CSDE1: variants seen among roughly 807,000 people sequenced by gnomAD.
CSDE1 encodes the protein cold shock domain containing E1, also known as cold shock domain-containing protein E1.
CSDE1 carries 17 observed loss-of-function variants against 89.3 expected under a neutral mutation model. The observed-to-expected ratio is 0.19, with a 90% confidence interval of 0.13 to 0.29. The LOEUF is 0.29. Ranked by LOEUF, CSDE1 falls within the 10% of genes least tolerant of loss-of-function variation. The probability of loss-of-function intolerance (pLI) is 1.00; values close to 1 mark genes in which losing one functional copy is unlikely to be tolerated. For synonymous variants in CSDE1, 322 were observed against 332.8 expected (o/e 0.97, Z 0.35); for missense variants, 672 against 984.2 (o/e 0.68, Z 4.24).
At chr1:114,741,398 G>C (rs1660719343) in intron 2 of CSDE1, 1 of 828,080 alleles carries the variant, frequency 1.2e-6, no homozygotes, top group Non-Finnish European at 1.8e-6. Context: ...CAAGAGTGAA[G>C]GTGAAAAAAA....
chr1:114,756,308 T>C (rs1661593529), intron 1 of CSDE1, among the ~76,000 whole-genome samples: 1 of 152,250 alleles, frequency 6.6e-6, no homozygotes, highest in Non-Finnish European at 1.5e-5. Context: ...CTCTTTTATT[T>C]TAGTCCCAGG....
At chr1:114,752,952 C>T (rs922530685) in intron 1 of CSDE1, among the ~76,000 whole-genome samples, 2 of 152,144 alleles carry the variant, frequency 1.3e-5, no homozygotes, top group African/African-American at 2.4e-5. Flanking sequence ...CATATACAAC[C>T]AAAGGAAAAA....
At position 114,717,382 on chromosome 1, in the gene CSDE1, G is replaced by C. The variant is rs1659238426; in HGVS notation, c.*787C>G. The C allele has an allele frequency of 6.6e-6, 1 of 152,256 alleles. No individual in the cohort carries two copies. Among genetic ancestry groups the C allele is most frequent in the South Asian group, 2.1e-4 (1 of 4,798 alleles). 9.4% of individuals were successfully genotyped at this position (152,256 alleles called of 1,614,324 possible). ...AGAAGCTGCAGTGATCTAAGCAGCA[G>C]CAAGTTTGTGCATTCATTTTTTTTG... On this transcript the variant is annotated 3_prime_UTR_variant, in exon 20 of 20. Coordinates refer to ENST00000358528, the MANE Select transcript of CSDE1 (RefSeq NM_001007553.3).
At chr1:114,732,264 A>T (rs1477150454) in intron 10 of CSDE1, among the ~76,000 whole-genome samples, 11 of 152,184 alleles carry the variant, frequency 7.2e-5, no homozygotes, top group Non-Finnish European at 1.5e-4. Context: ...ACCACTAATT[A>T]AATGTCTTAG....
At chr1:114,718,464 G>T in intron 19 of CSDE1, 149 bp downstream of exon 19, 2 of 1,142,192 alleles carry the variant, frequency 1.8e-6, no homozygotes, top group South Asian at 1.6e-5. Context: ...TTAGGGGGCT[G>T]AACCAATGTG....
intron 3 of CSDE1, among the ~76,000 whole-genome samples, chr1:114,739,095 C>T (rs1369691873): frequency 6.6e-6 from 1 of 151,578 alleles, no homozygotes; most frequent in Non-Finnish European, 1.5e-5. Flanking sequence ...GCAGTGGTGG[C>T]ATCTTGGCTT....
rs1225853116 is a variant in CSDE1, at chr1:114,753,228, G to T, written c.-387-3021C>A. Among the ~76,000 whole-genome samples the T allele has an allele frequency of 3.3e-5, 5 of 152,098 alleles. No homozygotes were observed. The South Asian group carries it at 1.0e-3, about 32-fold the overall frequency. On this transcript the variant is annotated intron_variant, in intron 1 of 19. Transcript: ENST00000358528. Reference sequence around the variant, plus strand: ...CTGGATTAACCCATTCCAGGTTGTCGTATCACATTAAGAACTGTCAAGTCC... The same window carrying T: ...CTGGATTAACCCATTCCAGGTTGTCTTATCACATTAAGAACTGTCAAGTCC...
At chr1:114,728,058 T>C (rs1362057975) in intron 12 of CSDE1, among the ~76,000 whole-genome samples, 1 of 152,210 alleles carries the variant, frequency 6.6e-6, no homozygotes, top group South Asian at 2.1e-4. Flanking sequence ...ATTCCTTCCA[T>C]AACTGCTATA....
Position 114,739,880 on chromosome 1 carries a change from T to A in CSDE1, c.11A>T (p.Asp4Val). The A allele has an allele frequency of 6.2e-7, 1 of 1,613,312 alleles. No individual in the cohort carries two copies. The highest frequency in any genetic ancestry group is 8.5e-7 in the Non-Finnish European group (1 of 1,179,298). ...TCCATTGTTGTGGAGAAGGTTTGGA[T>A]CAAAGCTCATCTGTTTTAAAAAGAA... Reference protein sequence around the residue: MSFDPNLLHNNGHN... With the variant: MSFVPNLLHNNGHN... The change falls in exon 3 of 20, where the codon GAT (aspartate) becomes GTT (valine). Residue 4 changes from aspartate to valine, a missense_variant. Coordinates refer to ENST00000358528, the MANE Select transcript of CSDE1 (RefSeq NM_001007553.3).
In CSDE1 at chr1:114,720,695, A is replaced by G. The variant is rs1322492859; in HGVS notation, c.1896T>C (p.Tyr632=). Residue 632 remains tyrosine (Y), a synonymous_variant, in exon 17 of 20, where the codon TAT becomes TAC. Coordinates refer to ENST00000358528, the MANE Select transcript of CSDE1 (RefSeq NM_001007553.3). ...TGGCCATCCCAACGATGCCAAATGGATAGACCTCACCTTTCATATCGCCTG... is the reference window on the plus strand; with the variant it reads ...TGGCCATCCCAACGATGCCAAATGGGTAGACCTCACCTTTCATATCGCCTG... ...VEEGDMKGEV[Y]PFGIVGMANK... The G allele has an allele frequency of 6.2e-7, 1 of 1,614,186 alleles. No homozygotes were observed. The highest frequency in any genetic ancestry group is 8.5e-7 in the Non-Finnish European group (1 of 1,180,022).
intron 12 of CSDE1, chr1:114,727,820 A>G (rs1264159531): frequency 6.6e-6 from 1 of 152,042 alleles, no homozygotes; most frequent in Non-Finnish European, 1.5e-5. Context: ...GCACTTGACT[A>G]AAAAAATAAA....
At chr1:114,737,689 G>A in intron 4 of CSDE1, 126 bp from the exon 5 acceptor site, 2 of 747,656 alleles carry the variant, frequency 2.7e-6, no homozygotes, top group Non-Finnish European at 4.4e-6. Flanking sequence ...ATCCACAAGA[G>A]GATGTCATGC....
chr1:114,735,247 TGTTA>T (rs1660337559), intron 6 of CSDE1, among the ~76,000 whole-genome samples: 1 of 152,222 alleles, frequency 6.6e-6, no homozygotes, highest in Non-Finnish European at 1.5e-5. Flanking sequence ...ATAATGGTAC[TGTTA>T]GTCTAAATGT....
chr1:114,750,962 A>G lies in CSDE1; in HGVS notation c.-387-755T>C, dbSNP rs1358372437. On this transcript the variant is annotated intron_variant, in intron 1 of 19. Coordinates refer to ENST00000358528, the MANE Select transcript of CSDE1 (RefSeq NM_001007553.3). The stretch of plus-strand genomic sequence containing the variant: ...CAACATGTGTGGCTTGTTGTTTCAG[A>G]GGAAAATCAACAGGCTAGCCTGGCT... Among the ~76,000 whole-genome samples, 4 of 152,238 alleles carry G rather than the reference A, an allele frequency of 2.6e-5. 1 individual carries two copies. In the East Asian group the frequency reaches 7.7e-4, roughly 29 times the overall value.
At chr1:114,725,151 TC>T in intron 15 of CSDE1, 69 bp downstream of exon 15, 1 of 1,173,432 alleles carries the variant, frequency 8.5e-7, no homozygotes, top group African/African-American at 1.5e-5. Flanking sequence ...AGGCCTCATC[TC>T]CCTCTACTAC....
Position 114,721,494 on chromosome 1 carries a change from T to G in CSDE1, c.1874-777A>C, listed in dbSNP as rs938532570. Among the ~76,000 whole-genome samples the G allele has an allele frequency of 1.2e-4, 18 of 152,264 alleles. 1 individual carries two copies. Among genetic ancestry groups the G allele is most frequent in the South Asian group, 4.1e-4 (2 of 4,828 alleles). On this transcript the variant is annotated intron_variant, in intron 16 of 19. Transcript: ENST00000358528. ...TAACAATTTTCAGCATCCAGGCAAA[T>G]GTACTCAGTCAACAATAGTGGAAAA...
At chr1:114,718,330 T>C in intron 19 of CSDE1, 114 bp from the exon 20 acceptor site, 3 of 1,257,538 alleles carry the variant, frequency 2.4e-6, no homozygotes, top group South Asian at 1.3e-5. Flanking sequence ...AATCATCTTA[T>C]GCAGTACTAA....
At chr1:114,723,385 GTAGA>G (rs780105071) in intron 16 of CSDE1, among the ~76,000 whole-genome samples, 6 of 152,192 alleles carry the variant, frequency 3.9e-5, no homozygotes, top group Non-Finnish European at 8.8e-5. Flanking sequence ...GAAGAAGAAA[GTAGA>G]GAATGAAAGG....
intron 10 of CSDE1, among the ~76,000 whole-genome samples, chr1:114,731,768 T>C (rs1350238767): frequency 6.6e-6 from 1 of 152,250 alleles, no homozygotes; most frequent in African/African-American, 2.4e-5. Context: ...GCTCTGAATG[T>C]GGCCCAACAC....
Sources: allele counts gnomAD v4.1 joint callset (sites outside exome capture counted in the v4.1 genomes callset), GRCh38; gene constraint gnomAD v4.1.1; transcripts MANE v1.5; gene names NCBI Gene and HGNC (gene_info 2026-07-23, HGNC 2026-07-21).